Variants in MELK observed in about 807,000 individuals in gnomAD.
MELK encodes the protein maternal embryonic leucine zipper kinase, also known as pEg3 kinase.
A neutral mutation model predicts 85.0 loss-of-function variants in MELK; 81 were observed. The ratio of observed to expected loss-of-function variants is 0.95; its 90% CI spans 0.80 to 1.15. The LOEUF (loss-of-function observed/expected upper bound fraction) is 1.15, where lower values mean the gene tolerates loss of function less well. Ranked by LOEUF, MELK falls within the 50% of genes most tolerant of loss-of-function variation. The pLI is 0.00. For synonymous variants in MELK, 252 were observed against 265.0 expected (o/e 0.95, Z 0.48); for missense variants, 754 against 777.5 (o/e 0.97, Z 0.36).
chr9:36,660,930 G>T (rs1458048335), intron 13 of MELK, among the ~76,000 whole-genome samples: 2 of 152,148 alleles, frequency 1.3e-5, no homozygotes. Flanking sequence ...GGTGGAGTTT[G>T]CAGTGAGCTG....
At position 36,594,640 on chromosome 9, in the gene MELK, G is replaced by A; in HGVS notation, c.274G>A (p.Gly92Arg). 1 of 1,613,988 alleles carries A rather than the reference G, an allele frequency of 6.2e-7. No individual in the cohort carries two copies. The highest frequency in any genetic ancestry group is 8.5e-7 in the Non-Finnish European group (1 of 1,179,944). ...IFMVLEYCPGGELFDYIISQD... is the reference protein window; with the variant it reads ...IFMVLEYCPGRELFDYIISQD... Reference sequence around the variant, plus strand: ...ATTGCTGTTGAAGTACTGCCCTGGAGGAGAGCTGTTTGACTATATAATTTC... The same window carrying A: ...ATTGCTGTTGAAGTACTGCCCTGGAAGAGAGCTGTTTGACTATATAATTTC... The change falls in exon 5 of 18, where the codon GGA becomes AGA. Residue 92 changes from glycine to arginine, a missense_variant. Physicochemically the swap from Gly to Arg is moderately radical, Grantham distance 125. Coordinates refer to ENST00000298048, the MANE Select transcript of MELK (RefSeq NM_014791.4).
rs375065833 is a variant in MELK, at chr9:36,627,126, CAGAT to C, written c.667-3170_667-3167del. Among the ~76,000 whole-genome samples, 15 of 150,580 alleles carry C rather than the reference CAGAT, an allele frequency of 1.0e-4. 1 individual carries two copies. In the East Asian group the frequency reaches 2.9e-3, roughly 29 times the overall value. Reference sequence around the variant, plus strand: ...ATGAATGCGGCTAGAAGGATGGAGGCAGATAGGTGAGGAAGCCATTGACTTGTAC... The same window carrying C: ...ATGAATGCGGCTAGAAGGATGGAGGCAGGTGAGGAAGCCATTGACTTGTAC... On this transcript the variant is annotated intron_variant, in intron 8 of 17. Transcript: ENST00000298048.
chr9:36,654,644 C>G (rs1020034571), intron 12 of MELK, among the ~76,000 whole-genome samples: 2 of 152,096 alleles, frequency 1.3e-5, no homozygotes, highest in African/African-American at 2.4e-5. Context: ...GCGTGAACCA[C>G]CACACCCGGC....
intron 12 of MELK, among the ~76,000 whole-genome samples, chr9:36,654,897 G>A (rs536288734): frequency 3.9e-5 from 6 of 152,290 alleles, no homozygotes; most frequent in African/African-American, 1.4e-4. Flanking sequence ...TAATCTTTAT[G>A]CAAATTATTG....
chr9:36,670,583 G>GTA (rs1438407902), intron 15 of MELK, among the ~76,000 whole-genome samples: 48 of 151,048 alleles, frequency 3.2e-4, no homozygotes, highest in Non-Finnish European at 1.9e-4. Flanking sequence ...ATACATTGAT[G>GTA]TATATATATC....
intron 3 of MELK, among the ~76,000 whole-genome samples, chr9:36,589,300 C>A (rs1249702302): frequency 2.0e-5 from 3 of 152,114 alleles, no homozygotes; most frequent in Admixed American, 2.0e-4. Flanking sequence ...AGGCTCCTGC[C>A]ACCACGCCCG....
intron 11 of MELK, among the ~76,000 whole-genome samples, chr9:36,648,128 G>A (rs948932546): frequency 3.3e-5 from 5 of 152,108 alleles, no homozygotes; most frequent in African/African-American, 1.2e-4. Flanking sequence ...AAACATAGTG[G>A]ATTGAACAGC....
At chr9:36,674,165 C>T (rs889663706) in intron 16 of MELK, among the ~76,000 whole-genome samples, 2 of 152,078 alleles carry the variant, frequency 1.3e-5, no homozygotes, top group Non-Finnish European at 2.9e-5. Flanking sequence ...TTTTGTGTGT[C>T]CAGGACCCAC....
At chr9:36,581,776 C>A in intron 2 of MELK, 37 bp downstream of exon 2, 1 of 1,498,476 alleles carries the variant, frequency 6.7e-7, no homozygotes. Context: ...GTGGATAGAT[C>A]AACTATTTGA....
At chr9:36,653,795 C>CA (rs1308951098) in intron 12 of MELK, among the ~76,000 whole-genome samples, 1 of 150,882 alleles carries the variant, frequency 6.6e-6, no homozygotes, top group African/African-American at 2.4e-5. Flanking sequence ...AAAAAAAAAA[C>CA]AAAAAATGTT....
At chr9:36,649,645 T>G (rs1474818600) in intron 11 of MELK, among the ~76,000 whole-genome samples, 1 of 152,124 alleles carries the variant, frequency 6.6e-6, no homozygotes, top group Non-Finnish European at 1.5e-5. Flanking sequence ...GGCATGTGCC[T>G]GTAATCCCGG....
chr9:36,657,193 G>T, intron 12 of MELK, 48 bp from the exon 13 acceptor site: 1 of 1,557,776 alleles, frequency 6.4e-7, no homozygotes, highest in Non-Finnish European at 8.7e-7. Context: ...TTTAAATATT[G>T]AATCATAGTA....
At chr9:36,621,440 A>G (rs181906880) in intron 8 of MELK, among the ~76,000 whole-genome samples, 1 of 151,958 alleles carries the variant, frequency 6.6e-6, no homozygotes, top group Non-Finnish European at 1.5e-5. Context: ...CTGTTATTTT[A>G]CTTACCTACC....
At chr9:36,636,794 T>TCTGTCTGTCTGTCTGTCTG (rs1376599498) in intron 10 of MELK, among the ~76,000 whole-genome samples, 5 of 88,848 alleles carry the variant, frequency 5.6e-5, no homozygotes, top group African/African-American at 1.8e-4. Flanking sequence ...CTGTCTGTCT[T>TCTGTCTGTCTGTCTGTCTG]TCTTTCTTTC....
intron 15 of MELK, among the ~76,000 whole-genome samples, chr9:36,669,612 G>A (rs1052563695): frequency 1.6e-4 from 24 of 152,278 alleles, no homozygotes; most frequent in African/African-American, 5.8e-4. Flanking sequence ...AAACTGATCA[G>A]CAGTAGGACG....
rs563865141 is a variant in MELK, at chr9:36,638,199, GT to G, written c.835-4789del. Among the ~76,000 whole-genome samples the G allele has an allele frequency of 2.8e-4, 43 of 151,790 alleles. 1 individual carries two copies. In the South Asian group the frequency reaches 7.3e-3, roughly 26 times the overall value. On this transcript the variant is annotated intron_variant, in intron 10 of 17. Coordinates refer to ENST00000298048, the MANE Select transcript of MELK (RefSeq NM_014791.4). ...GTCTCTGCTTTCTACAACCCCAAGA[GT>G]TTTTTTTTATTTGGGACACAGTATA...
intron 11 of MELK, among the ~76,000 whole-genome samples, chr9:36,651,361 A>G (rs997678979): frequency 2.0e-5 from 3 of 152,224 alleles, no homozygotes; most frequent in Admixed American, 6.5e-5. Context: ...TGATAAAATT[A>G]TAGTAGGAGG....
At chr9:36,582,120 C>T (rs1236636813) in intron 2 of MELK, among the ~76,000 whole-genome samples, 1 of 152,002 alleles carries the variant, frequency 6.6e-6, no homozygotes, top group Non-Finnish European at 1.5e-5. Context: ...TACAGGCGCT[C>T]GCCATGCCTG....
intron 7 of MELK, among the ~76,000 whole-genome samples, chr9:36,599,889 G>C (rs1246587185): frequency 4.6e-5 from 7 of 152,140 alleles, no homozygotes; most frequent in Non-Finnish European, 8.8e-5. Flanking sequence ...CCCTGTGTAG[G>C]AGTCCAGGCT....
Sources: gnomAD v4.1 joint callset for allele counts (sites outside exome capture counted in the v4.1 genomes callset) on GRCh38, gnomAD v4.1.1 for gene constraint, MANE v1.5 for transcripts, NCBI Gene and HGNC (gene_info 2026-07-23, HGNC 2026-07-21) for gene names.